The following SLIT1 variants were observed in gnomAD, a reference collection of about 807,000 sequenced individuals.
SLIT1 encodes slit guidance ligand 1.
In SLIT1, 66 loss-of-function variants were observed where a neutral mutation model predicts 186.1. That is an observed-to-expected ratio of 0.35 (90% CI 0.29 to 0.44). The LOEUF (loss-of-function observed/expected upper bound fraction) is 0.44. Ranked by LOEUF, SLIT1 falls within the 20% of genes least tolerant of loss-of-function variation. The pLI, the probability that SLIT1 is intolerant of heterozygous loss-of-function variation, is 1.00. For missense variants in SLIT1, 1,638 were observed against 2,037.4 expected, an observed-to-expected ratio of 0.80 and a Z score of 3.77; for synonymous variants, 761 against 833.8, an observed-to-expected ratio of 0.91 and a Z score of 1.50.
chr10:97,035,698 A>C (rs1220617175), intron 22 of SLIT1, among the ~76,000 whole-genome samples: 1 of 152,170 alleles, frequency 6.6e-6, no homozygotes, highest in African/African-American at 2.4e-5. Context: ...CCATGTGCCT[A>C]GCATGTGGAC....
At chr10:97,099,133 C>T (rs575866298) in intron 4 of SLIT1, among the ~76,000 whole-genome samples, 2 of 122,382 alleles carry the variant, frequency 1.6e-5, no homozygotes, top group East Asian at 3.1e-4. Flanking sequence ...GGAGTGGAGG[C>T]GCGGGGGGTG....
intron 4 of SLIT1, among the ~76,000 whole-genome samples, chr10:97,085,471 T>A (rs1849149663): frequency 6.6e-6 from 1 of 151,842 alleles, no homozygotes; most frequent in South Asian, 2.1e-4. Flanking sequence ...CACTGCAACC[T>A]CTGCCCCCCA....
At chr10:97,099,562 T>G (rs1849329606) in intron 4 of SLIT1, among the ~76,000 whole-genome samples, 2 of 152,210 alleles carry the variant, frequency 1.3e-5, no homozygotes, top group Non-Finnish European at 2.9e-5. Context: ...GCTCACCTAG[T>G]GTCCATCTCT....
intron 4 of SLIT1, among the ~76,000 whole-genome samples, chr10:97,113,880 T>A (rs143357722): frequency 3.9e-5 from 6 of 152,282 alleles, no homozygotes; most frequent in African/African-American, 1.4e-4. Context: ...ATTTTATGGA[T>A]CTTCCAAAGG....
chr10:97,153,015 A>G (rs567098211), intron 4 of SLIT1: 10 of 152,292 alleles, frequency 6.6e-5, no homozygotes, highest in African/African-American at 1.7e-4. Flanking sequence ...CTATATTTCA[A>G]TATTCTAAAT....
intron 4 of SLIT1, among the ~76,000 whole-genome samples, chr10:97,141,771 C>G (rs113758464): frequency 6.8e-6 from 1 of 146,228 alleles, no homozygotes; most frequent in Non-Finnish European, 1.5e-5. Flanking sequence ...CGTATTGTAT[C>G]GTACTGTATT....
intron 4 of SLIT1, among the ~76,000 whole-genome samples, chr10:97,131,079 C>T (rs1849649953): frequency 6.6e-6 from 1 of 152,096 alleles, no homozygotes; most frequent in South Asian, 2.1e-4. Flanking sequence ...CAGGTGAGAC[C>T]GACAGCATGG....
In SLIT1 at chr10:97,046,640, C is replaced by A. The variant is rs757371720; in HGVS notation, c.1853+14G>T. 1.3e-6 allele frequency: 2 copies of A among 1,599,842 alleles called. No homozygotes were observed. Among genetic ancestry groups the A allele is most frequent in the East Asian group, 4.5e-5 (2 of 44,720 alleles). On this transcript the variant is annotated intron_variant, in intron 18 of 36. Coordinates refer to ENST00000266058, the MANE Select transcript of SLIT1 (RefSeq NM_003061.3). ...GCAGCTGGCCCACCCTGCTCCCCAGCCCTGCACACTCACAGGGTCCTCAAG... is the reference window on the plus strand; with the variant it reads ...GCAGCTGGCCCACCCTGCTCCCCAGACCTGCACACTCACAGGGTCCTCAAG...
intron 1 of SLIT1, among the ~76,000 whole-genome samples, chr10:97,166,642 AAGG>A (rs1277942954): frequency 6.7e-6 from 1 of 149,790 alleles, no homozygotes; most frequent in Non-Finnish European, 1.5e-5. Context: ...AAAGAAAAGA[AAGG>A]AAAGGAAAAG....
chr10:97,029,273 TA>T (rs1379203790), intron 25 of SLIT1, among the ~76,000 whole-genome samples: 1 of 152,230 alleles, frequency 6.6e-6, no homozygotes, highest in African/African-American at 2.4e-5. Context: ...ACTCTGGTTT[TA>T]GAGTTTAAAA....
chr10:97,119,913 G>GTGTATATA lies in SLIT1; in HGVS notation c.413+37904_413+37905insTATATACA, dbSNP rs1241836707. 6.5e-4 allele frequency among the ~76,000 whole-genome samples: 37 copies of GTGTATATA among 56,516 alleles called. 1 individual carries two copies. The highest frequency in any genetic ancestry group is 1.4e-3 in the Admixed American group (5 of 3,650). 37.1% of individuals were successfully genotyped at this position (56,516 alleles called of 152,430 possible). ...AAATACATATTTTTTTTCCAAAGGG[G>GTGTATATA]TATATATATATATATATATATATAT... On this transcript the variant is annotated intron_variant, in intron 4 of 36. Transcript: ENST00000266058.
intron 4 of SLIT1, among the ~76,000 whole-genome samples, chr10:97,071,487 G>A (rs1055317654): frequency 5.3e-5 from 8 of 152,136 alleles, no homozygotes; most frequent in Non-Finnish European, 1.0e-4. Flanking sequence ...TTTTTTATTC[G>A]TATTGATTTG....
chr10:97,015,803 A>G (rs1336547979), intron 28 of SLIT1, among the ~76,000 whole-genome samples: 1 of 152,254 alleles, frequency 6.6e-6, no homozygotes, highest in Non-Finnish European at 1.5e-5. Flanking sequence ...GAAATAAGAA[A>G]AAAACTTTAA....
chr10:97,082,213 T>C (rs563077772), intron 4 of SLIT1, among the ~76,000 whole-genome samples: 1 of 152,332 alleles, frequency 6.6e-6, no homozygotes, highest in East Asian at 1.9e-4. Context: ...CATTTAGACA[T>C]AATCCAAATC....
chr10:97,062,109 C>T (rs1373710802), intron 8 of SLIT1, among the ~76,000 whole-genome samples: 1 of 152,200 alleles, frequency 6.6e-6, no homozygotes, highest in Non-Finnish European at 1.5e-5. Flanking sequence ...AGTGATTTAC[C>T]CATTCCAATT....
rs889074111 is a variant in SLIT1, at chr10:97,127,834, T to C, written c.413+29984A>G. On this transcript the variant is annotated intron_variant, in intron 4 of 36. Coordinates refer to ENST00000266058, the MANE Select transcript of SLIT1 (RefSeq NM_003061.3). ...GGAACTCCTGCCACCTCTTCGGGCC[T>C]CACTGTCCTCATCTGCAAAGACAGG... 5.3e-5 allele frequency among the ~76,000 whole-genome samples: 8 copies of C among 152,316 alleles called. No individual in the cohort carries two copies. The South Asian group carries it at 1.7e-3, about 32-fold the overall frequency.
At chr10:97,126,845 C>A (rs1454207265) in intron 4 of SLIT1, among the ~76,000 whole-genome samples, 4 of 152,232 alleles carry the variant, frequency 2.6e-5, no homozygotes, top group Non-Finnish European at 5.9e-5. Context: ...CTCACAGCAA[C>A]AAGAGACAGA....
At chr10:97,076,996 T>C (rs574875183) in intron 4 of SLIT1, among the ~76,000 whole-genome samples, 1 of 152,238 alleles carries the variant, frequency 6.6e-6, no homozygotes, top group South Asian at 2.1e-4. Flanking sequence ...CCGGGGGCCG[T>C]GGCTCACACC....
In SLIT1 at chr10:97,001,057, T is replaced by G; in HGVS notation, c.*55A>C. ...CCCAGCTGCTGGCGACTGTCTCCGC[T>G]GCTGCAGCGGCTGGGGCCCCTTGCC... On this transcript the variant is annotated 3_prime_UTR_variant, in exon 37 of 37. Transcript: ENST00000266058. 7.0e-7 allele frequency: 1 copy of G among 1,438,546 alleles called. No homozygotes were observed. The highest frequency in any genetic ancestry group is 9.7e-7 in the Non-Finnish European group (1 of 1,030,354). The allele number at this position is 1,438,546 out of a possible 1,614,324, so 89.1% of individuals were successfully genotyped here. A position where few individuals can be genotyped will look rare whatever the true frequency, so the allele number is the denominator to read the frequency against.
Sources: gnomAD v4.1 joint callset for allele counts (sites outside exome capture counted in the v4.1 genomes callset) on GRCh38, gnomAD v4.1.1 for gene constraint, MANE v1.5 for transcripts, NCBI Gene and HGNC (gene_info 2026-07-23, HGNC 2026-07-21) for gene names.